Variants in ANKRD62 observed in about 807,000 individuals in gnomAD.
The protein encoded by ANKRD62 is ankyrin repeat domain-containing protein 62.
A neutral mutation model predicts 98.8 loss-of-function variants in ANKRD62; 61 were observed. That is an observed-to-expected ratio of 0.62 (90% CI 0.50 to 0.76). ANKRD62 has a LOEUF of 0.76. Among genes scored for constraint, ANKRD62 ranks in the 30% least tolerant of loss-of-function variants. The pLI, the probability that ANKRD62 is intolerant of heterozygous loss-of-function variation, is 0.00. For missense variants in ANKRD62, 933 were observed against 1,082.9 expected (o/e 0.86, Z 1.94); for synonymous variants, 341 against 367.9 (o/e 0.93, Z 0.84).
At chr18:12,174,940 T>C in the ANKRD62 span, among the ~76,000 whole-genome samples, 1 of 152,378 alleles carries the variant, frequency 6.6e-6, no homozygotes, top group Admixed American at 6.5e-5. Context: ...AAGAGTTTTA[T>C]AGTGCAGTGA....
chr18:12,105,821 A>G (rs1207843179), intron 7 of ANKRD62, among the ~76,000 whole-genome samples: 1 of 152,164 alleles, frequency 6.6e-6, no homozygotes, highest in East Asian at 1.9e-4. Context: ...AGGGACTGGG[A>G]AAAAAATCTA....
intron 8 of ANKRD62, among the ~76,000 whole-genome samples, chr18:12,111,644 T>C (rs1413918950): frequency 6.6e-6 from 1 of 152,170 alleles, no homozygotes; most frequent in African/African-American, 2.4e-5. Flanking sequence ...GACATGATCC[T>C]ATACCTAGAA....
At chr18:12,180,903 C>A in the ANKRD62 span, among the ~76,000 whole-genome samples, 2 of 145,786 alleles carry the variant, frequency 1.4e-5, no homozygotes, top group African/African-American at 5.0e-5. Flanking sequence ...ATTAACTCGT[C>A]ATTTAACATT....
Position 12,128,287 on chromosome 18 carries a change from C to T in ANKRD62, c.*348C>T, listed in dbSNP as rs1386649597. The T allele has an allele frequency of 1.3e-5, 2 of 153,772 alleles. No individual in the cohort carries two copies. The highest frequency in any genetic ancestry group is 2.9e-5 in the Non-Finnish European group (2 of 69,248). 9.5% of individuals were successfully genotyped at this position (153,772 alleles called of 1,614,324 possible). On this transcript the variant is annotated 3_prime_UTR_variant, in exon 14 of 14. Transcript: ENST00000587848. ...TTTTCTTTTTTTAATCTCTACTTTT[C>T]TGTGTGAATAAAGACTTGTGCTTAC...
chr18:12,102,855 T>C lies in ANKRD62; in HGVS notation c.821-303T>C, dbSNP rs1362584466. The C allele has an allele frequency of 3.5e-6, 3 of 857,822 alleles. No homozygotes were observed. The African/African-American group carries it at 5.4e-5, about 15-fold the overall frequency. 53.1% of individuals were successfully genotyped at this position (857,822 alleles called of 1,614,324 possible). A position where few individuals can be genotyped will look rare whatever the true frequency, so the allele number is the denominator to read the frequency against. On this transcript the variant is annotated intron_variant, in intron 6 of 13. Coordinates refer to ENST00000587848, the MANE Select transcript of ANKRD62 (RefSeq NM_001277333.2). ...TCTGTTAATACTGGATTTTCAAATT[T>C]TGTTTTTCTGATGGTTTTGTTCATT...
At chr18:12,137,585 C>T in the ANKRD62 span, among the ~76,000 whole-genome samples, 1 of 152,212 alleles carries the variant, frequency 6.6e-6, no homozygotes, top group Non-Finnish European at 1.5e-5. Flanking sequence ...GGAGGATTCC[C>T]TCTTTTTCTA....
intron 6 of ANKRD62, chr18:12,102,038 G>C: frequency 7.2e-7 from 1 of 1,392,904 alleles, no homozygotes; most frequent in Non-Finnish European, 1.0e-6. Flanking sequence ...CCCACATCAT[G>C]GTAGTTGAAA....
At chr18:12,121,675 GGAAGCTCTGTCAACAAAA>G (rs1909785230) in intron 10 of ANKRD62, among the ~76,000 whole-genome samples, 1 of 152,060 alleles carries the variant, frequency 6.6e-6, no homozygotes. Flanking sequence ...GTCATGGCCT[GGAAGCTCTGTCAACAAAA>G]GAAGCTCTGT....
In ANKRD62 at chr18:12,097,253, A is replaced by G. The variant is rs558068304; in HGVS notation, c.615-387A>G. 2.6e-5 allele frequency among the ~76,000 whole-genome samples: 4 copies of G among 152,340 alleles called. No individual in the cohort carries two copies. The South Asian group carries it at 8.3e-4, about 32-fold the overall frequency. On this transcript the variant is annotated intron_variant, in intron 4 of 13. Coordinates refer to ENST00000587848, the MANE Select transcript of ANKRD62 (RefSeq NM_001277333.2). ...TTATTATTGTTTTAAACCTGCAGAT[A>G]GCTCTTATTGACCCCACGCTCATTT...
At position 12,107,349 on chromosome 18, in the gene ANKRD62, G is replaced by A. The variant is rs144813687; in HGVS notation, c.946G>A (p.Val316Ile). 660 of 1,511,284 alleles carry A rather than the reference G, an allele frequency of 4.4e-4. 3 individuals carry two copies. The East Asian group carries it at 0.013, about 29-fold the overall frequency. 93.6% of individuals were successfully genotyped at this position (1,511,284 alleles called of 1,614,324 possible). The part of the protein sequence containing the change: ...RNKKMEVSRN[V>I]HADDSDNYND... The stretch of plus-strand genomic sequence containing the variant: ...TAAGAAAATGGAAGTGTCAAGAAAC[G>A]TACATGCTGATGACAGTGACAATTA... Residue 316 changes from valine to isoleucine, a missense_variant, in exon 8 of 14, where the codon GTA becomes ATA. Coordinates refer to ENST00000587848, the MANE Select transcript of ANKRD62 (RefSeq NM_001277333.2).
At chr18:12,161,883 A>C in the ANKRD62 span, among the ~76,000 whole-genome samples, 3 of 152,130 alleles carry the variant, frequency 2.0e-5, no homozygotes, top group Admixed American at 6.5e-5. Flanking sequence ...GAATATACAC[A>C]ACTCCATTGT....
At chr18:12,176,272 T>C in the ANKRD62 span, among the ~76,000 whole-genome samples, 2 of 150,738 alleles carry the variant, frequency 1.3e-5, 1 homozygote, top group East Asian at 3.9e-4. Flanking sequence ...TGCACCCAAA[T>C]TGAGTAAACC....
In ANKRD62 at chr18:12,122,387, T is replaced by C. The variant is rs1281455365; in HGVS notation, c.1325T>C (p.Leu442Pro). Residue 442 changes from leucine (L) to proline (P), a missense_variant, in exon 11 of 14, where the codon CTT becomes CCT. Transcript: ENST00000587848. Reference protein sequence around the residue: ...IEDQKCYCERLKVKFQKMKNN... With the variant: ...IEDQKCYCERPKVKFQKMKNN... ...GATCAAAAATGTTACTGTGAACGACTTAAAGTAAAATTTCAAAAAATGAAA... is the reference window on the plus strand; with the variant it reads ...GATCAAAAATGTTACTGTGAACGACCTAAAGTAAAATTTCAAAAAATGAAA... 1 of 1,535,694 alleles carries C rather than the reference T, an allele frequency of 6.5e-7. No homozygotes were observed.
At position 12,126,398 on chromosome 18, in the gene ANKRD62, A is replaced by G; in HGVS notation, c.2562+15A>G. 1 of 1,494,912 alleles carries G rather than the reference A, an allele frequency of 6.7e-7. No individual in the cohort carries two copies. Among genetic ancestry groups the G allele is most frequent in the Non-Finnish European group, 8.9e-7 (1 of 1,128,952 alleles). 92.6% of individuals were successfully genotyped at this position (1,494,912 alleles called of 1,614,324 possible). A position where few individuals can be genotyped will look rare whatever the true frequency, so the allele number is the denominator to read the frequency against. ...AAGAAAGAGAAGTAAGTATCAAGAAAGATAAGTATTTTTCAAACTTCCTGA... is the reference window on the plus strand; with the variant it reads ...AAGAAAGAGAAGTAAGTATCAAGAAGGATAAGTATTTTTCAAACTTCCTGA... On this transcript the variant is annotated intron_variant, in intron 13 of 13. Coordinates refer to ENST00000587848, the MANE Select transcript of ANKRD62 (RefSeq NM_001277333.2).
the ANKRD62 span, among the ~76,000 whole-genome samples, chr18:12,178,114 A>G: frequency 3.3e-5 from 5 of 151,480 alleles, no homozygotes. Flanking sequence ...AAGTCCATCC[A>G]GGGGACACTT....
chr18:12,125,861 T>C lies in ANKRD62; in HGVS notation c.2040T>C (p.Ala680=), dbSNP rs749033712. ...RQSSKRDLQL[A]FQSTVNEWCH... ...CATCAAAAAGAGACCTACAGCTTGC[T>C]TTCCAGAGCACAGTGAATGAATGGT... is the stretch of plus-strand genomic sequence containing the variant. The change falls in exon 13 of 14, where the codon GCT becomes GCC. Residue 680 remains alanine (A), a synonymous_variant. Coordinates refer to ENST00000587848, the MANE Select transcript of ANKRD62 (RefSeq NM_001277333.2). 6.5e-6 allele frequency: 10 copies of C among 1,547,180 alleles called. No homozygotes were observed. The highest frequency in any genetic ancestry group is 8.7e-6 in the Non-Finnish European group (10 of 1,147,386).
chr18:12,094,084 G>A lies in ANKRD62; in HGVS notation c.67G>A (p.Asp23Asn). 1 of 1,535,078 alleles carries A rather than the reference G, an allele frequency of 6.5e-7. No homozygotes were observed. The change falls in exon 1 of 14, where the codon GAC becomes AAC. Residue 23 changes from aspartate to asparagine, a missense_variant. Physicochemically the swap from Asp to Asn is conservative, Grantham distance 23. Transcript: ENST00000587848. The stretch of plus-strand genomic sequence containing the variant: ...CATGGCTACCTGGAGGAAGAATCGT[G>A]ACAAGGATGGCTTCTCAAATCCCGG... ...RRMATWRKNR[D>N]KDGFSNPGYR...
Position 12,126,381 on chromosome 18 carries a change from G to C in ANKRD62, c.2560G>C (p.Glu854Gln). 6.6e-7 allele frequency: 1 copy of C among 1,503,762 alleles called. No homozygotes were observed. The highest frequency in any genetic ancestry group is 8.8e-7 in the Non-Finnish European group (1 of 1,134,146). The allele number at this position is 1,503,762 out of a possible 1,614,324, so 93.2% of individuals were successfully genotyped here. Residue 854 changes from glutamate (E) to glutamine (Q), a missense_variant and splice_region_variant, in exon 13 of 14, where the codon GAA (glutamate) becomes CAA (glutamine). Coordinates refer to ENST00000587848, the MANE Select transcript of ANKRD62 (RefSeq NM_001277333.2). ...ATATGAAAAAGAGAAAGAAGAAAGA[G>C]AAGTAAGTATCAAGAAAGATAAGTA... Reference protein sequence around the residue: ...CQYEKEKEEREVVRRQLQREV... With the variant: ...CQYEKEKEERQVVRRQLQREV...
At chr18:12,100,066 A>G (rs939075532) in intron 6 of ANKRD62, among the ~76,000 whole-genome samples, 1 of 152,148 alleles carries the variant, frequency 6.6e-6, no homozygotes, top group Non-Finnish European at 1.5e-5. Flanking sequence ...TAGTAAATAC[A>G]TATTACAGCT....
Sources: allele counts gnomAD v4.1 joint callset (sites outside exome capture counted in the v4.1 genomes callset), GRCh38; gene constraint gnomAD v4.1.1; transcripts MANE v1.5; gene names NCBI Gene and HGNC (gene_info 2026-07-23, HGNC 2026-07-21).